Variants in FBXL7 observed in about 807,000 individuals in gnomAD.
FBXL7 encodes the protein F-box/LRR-repeat protein 7.
FBXL7 carries 12 observed loss-of-function variants against 38.3 expected under a neutral mutation model. That is an observed-to-expected ratio of 0.31 (90% CI 0.20 to 0.51). The LOEUF is 0.51. Ranked by LOEUF, FBXL7 falls within the 20% of genes least tolerant of loss-of-function variation. The pLI is 0.98. For synonymous variants in FBXL7, 297 were observed against 300.9 expected (o/e 0.99, Z 0.13); for missense variants, 567 against 676.4 (o/e 0.84, Z 1.79).
intron 2 of FBXL7, among the ~76,000 whole-genome samples, chr5:15,677,385 C>T (rs146893299): frequency 0.012 from 1,805 of 151,906 alleles, 22 homozygotes; most frequent in Non-Finnish European, 0.017. Flanking sequence ...GATAATTGCT[C>T]GAACCCAGGA....
chr5:15,858,941 A>G (rs570834412), intron 2 of FBXL7, among the ~76,000 whole-genome samples: 1 of 152,336 alleles, frequency 6.6e-6, no homozygotes, highest in South Asian at 2.1e-4. Flanking sequence ...TTCTACTTAT[A>G]TAACTTAACC....
intron 2 of FBXL7, among the ~76,000 whole-genome samples, chr5:15,721,503 A>T (rs1404705899): frequency 2.0e-5 from 3 of 152,128 alleles, no homozygotes. Context: ...TTTCAAATGA[A>T]GTTATTCATA....
At chr5:15,895,623 CT>C (rs1171160618) in intron 2 of FBXL7, among the ~76,000 whole-genome samples, 1 of 140,754 alleles carries the variant, frequency 7.1e-6, no homozygotes, top group Non-Finnish European at 1.5e-5. Context: ...GCTTAGGGCC[CT>C]TTTTCATACT....
chr5:15,648,580 G>A (rs371098728), intron 2 of FBXL7, among the ~76,000 whole-genome samples: 16 of 152,314 alleles, frequency 1.1e-4, no homozygotes, highest in East Asian at 3.9e-4. Flanking sequence ...AGTGCCAAGC[G>A]GATCAGACCC....
At chr5:15,595,899 T>C (rs1384150354) in intron 1 of FBXL7, among the ~76,000 whole-genome samples, 3 of 152,188 alleles carry the variant, frequency 2.0e-5, no homozygotes, top group Admixed American at 2.0e-4. Flanking sequence ...AGTTTCTTCA[T>C]GAGGTCAATG....
intron 2 of FBXL7, among the ~76,000 whole-genome samples, chr5:15,616,280 C>T (rs1341179422): frequency 6.6e-6 from 1 of 152,128 alleles, no homozygotes; most frequent in African/African-American, 2.4e-5. Flanking sequence ...TGACGGGATT[C>T]AGGTGCCTCA....
chr5:15,866,357 A>T (rs1212161741), intron 2 of FBXL7, among the ~76,000 whole-genome samples: 1 of 152,238 alleles, frequency 6.6e-6, no homozygotes, highest in African/African-American at 2.4e-5. Flanking sequence ...ATCAATGTCT[A>T]ATATATAATG....
chr5:15,591,957 G>T (rs572961847), intron 1 of FBXL7, among the ~76,000 whole-genome samples: 18 of 152,100 alleles, frequency 1.2e-4, no homozygotes, highest in African/African-American at 4.1e-4. Flanking sequence ...TGATCCGCCC[G>T]CCTTGGCCTC....
chr5:15,848,217 TAATC>T (rs1305040930), intron 2 of FBXL7, among the ~76,000 whole-genome samples: 1 of 152,132 alleles, frequency 6.6e-6, no homozygotes. Flanking sequence ...TTATTTATAA[TAATC>T]TGTTCTTTCT....
At chr5:15,585,631 A>C (rs372131985) in intron 1 of FBXL7, among the ~76,000 whole-genome samples, 4 of 152,356 alleles carry the variant, frequency 2.6e-5, no homozygotes, top group East Asian at 3.9e-4. Context: ...GTTTATAGGA[A>C]GAAGGGAAAT....
At chr5:15,781,960 C>T (rs374842779) in intron 2 of FBXL7, among the ~76,000 whole-genome samples, 6 of 152,112 alleles carry the variant, frequency 3.9e-5, no homozygotes, top group East Asian at 1.9e-4. Flanking sequence ...AGGTATTTCT[C>T]GTAATGCTAT....
chr5:15,860,979 C>A (rs1459520770), intron 2 of FBXL7, among the ~76,000 whole-genome samples: 1 of 152,176 alleles, frequency 6.6e-6, no homozygotes, highest in East Asian at 1.9e-4. Flanking sequence ...GCTGTCTGCA[C>A]CACACTTTTT....
intron 2 of FBXL7, among the ~76,000 whole-genome samples, chr5:15,620,408 TTTTTG>T (rs1296175177): frequency 3.9e-5 from 5 of 127,058 alleles, no homozygotes; most frequent in Admixed American, 7.9e-5. Flanking sequence ...AATTTTTTGT[TTTTTG>T]TTTTTTTTTT....
chr5:15,776,914 T>C (rs78099495), intron 2 of FBXL7, among the ~76,000 whole-genome samples: 3,241 of 152,224 alleles, frequency 0.021, 87 homozygotes, highest in East Asian at 0.068. Flanking sequence ...CCTGATTACA[T>C]ATATATCTTA....
At chr5:15,817,229 A>G (rs1156756061) in intron 2 of FBXL7, among the ~76,000 whole-genome samples, 1 of 152,212 alleles carries the variant, frequency 6.6e-6, no homozygotes, top group Non-Finnish European at 1.5e-5. Context: ...CCCAAGAAGC[A>G]GACAAATAGT....
intron 1 of FBXL7, chr5:15,607,380 G>C (rs1306670614): frequency 2.0e-5 from 3 of 152,160 alleles, no homozygotes; most frequent in Non-Finnish European, 4.4e-5. Flanking sequence ...TTTTGCAAGA[G>C]ATGTCTTAGA....
chr5:15,915,557 G>A (rs533995234), intron 2 of FBXL7, among the ~76,000 whole-genome samples: 1 of 152,300 alleles, frequency 6.6e-6, no homozygotes, highest in African/African-American at 2.4e-5. Flanking sequence ...CTCTAATCGA[G>A]CATGACCTCC....
intron 2 of FBXL7, among the ~76,000 whole-genome samples, chr5:15,811,508 A>G (rs1407917094): frequency 6.6e-6 from 1 of 152,022 alleles, no homozygotes; most frequent in Non-Finnish European, 1.5e-5. Flanking sequence ...ACTTTAAGTT[A>G]CTTACCTTTT....
chr5:15,629,322 A>G (rs1241015355), intron 2 of FBXL7, among the ~76,000 whole-genome samples: 1 of 152,160 alleles, frequency 6.6e-6, no homozygotes, highest in East Asian at 1.9e-4. Context: ...AGTCAAGCAA[A>G]GGGTTCCTGC....
Sources: allele counts gnomAD v4.1 joint callset (sites outside exome capture counted in the v4.1 genomes callset), GRCh38; gene constraint gnomAD v4.1.1; transcripts MANE v1.5; gene names NCBI Gene and HGNC (gene_info 2026-07-23, HGNC 2026-07-21).